EXOC6B: variants seen among roughly 807,000 people sequenced by gnomAD.
EXOC6B encodes SEC15 homolog B.
Under a neutral mutation model 113.5 loss-of-function variants are expected in EXOC6B, and 54 were observed. That is an observed-to-expected ratio of 0.48 (90% confidence interval 0.38 to 0.60). The LOEUF (loss-of-function observed/expected upper bound fraction) is 0.60, where lower values mean the gene tolerates loss of function less well. Among genes scored for constraint, EXOC6B ranks in the 20% least tolerant of loss-of-function variants. The pLI, the probability that EXOC6B is intolerant of heterozygous loss-of-function variation, is 0.00. For synonymous variants in EXOC6B, 357 were observed against 339.0 expected, an observed-to-expected ratio of 1.05 and a Z score of -0.58; for missense variants, 797 against 977.5, an observed-to-expected ratio of 0.82 and a Z score of 2.46.
At chr2:72,213,614 G>T (rs1414327924) in intron 20 of EXOC6B, among the ~76,000 whole-genome samples, 1 of 152,152 alleles carries the variant, frequency 6.6e-6, no homozygotes, top group Non-Finnish European at 1.5e-5. Flanking sequence ...AGCCTTCAAG[G>T]TGTGCTATGA....
intron 20 of EXOC6B, among the ~76,000 whole-genome samples, chr2:72,229,816 G>A (rs1056657876): frequency 3.3e-5 from 5 of 152,240 alleles, no homozygotes; most frequent in South Asian, 2.1e-4. Flanking sequence ...TGGATACCAC[G>A]TGCTACCTAA....
chr2:72,668,331 C>G (rs1286350738), intron 6 of EXOC6B, among the ~76,000 whole-genome samples: 2 of 152,038 alleles, frequency 1.3e-5, no homozygotes, highest in Non-Finnish European at 2.9e-5. Flanking sequence ...GTAAATTAGT[C>G]TAGCCACTGT....
At chr2:72,244,362 A>G (rs976762944) in intron 20 of EXOC6B, among the ~76,000 whole-genome samples, 31 of 152,220 alleles carry the variant, frequency 2.0e-4, no homozygotes, top group African/African-American at 7.0e-4. Context: ...CTAAATAAAA[A>G]TGAAAATACA....
intron 6 of EXOC6B, among the ~76,000 whole-genome samples, chr2:72,705,242 T>C (rs1034242463): frequency 1.3e-5 from 2 of 152,096 alleles, no homozygotes; most frequent in Non-Finnish European, 2.9e-5. Context: ...ATTATCTCAA[T>C]AGATGCAGAA....
At chr2:72,184,379 A>T (rs957956156) in intron 20 of EXOC6B, among the ~76,000 whole-genome samples, 192 bp from the exon 21 acceptor site, 11 of 152,352 alleles carry the variant, frequency 7.2e-5, no homozygotes, top group Admixed American at 7.2e-4. Context: ...TAGATGGCAG[A>T]CTTATCTCTG....
At chr2:72,192,108 C>A (rs1056406781) in intron 20 of EXOC6B, among the ~76,000 whole-genome samples, 4 of 152,086 alleles carry the variant, frequency 2.6e-5, no homozygotes, top group African/African-American at 9.7e-5. Flanking sequence ...ACCTTCGTTG[C>A]CAATTCTTGG....
Position 72,243,871 on chromosome 2 carries a change from T to C in EXOC6B, c.2197-59684A>G, listed in dbSNP as rs1163308525. On this transcript the variant is annotated intron_variant, in intron 20 of 21. Transcript: ENST00000272427. ...GGGACATAACAGTCTTTAGCATGTA[T>C]CCACCTAAGAACAGAATGTAAAAAG... Among the ~76,000 whole-genome samples the C allele has an allele frequency of 1.3e-5, 2 of 152,190 alleles. 1 individual carries two copies. The highest frequency in any genetic ancestry group is 3.8e-4 in the East Asian group (2 of 5,198).
chr2:72,539,954 C>G (rs1425731090), intron 8 of EXOC6B, among the ~76,000 whole-genome samples: 5 of 118,384 alleles, frequency 4.2e-5, no homozygotes, highest in Admixed American at 1.9e-4. Context: ...CCCCTCCCCC[C>G]ACCCCACAAC....
intron 6 of EXOC6B, among the ~76,000 whole-genome samples, chr2:72,702,078 C>T (rs1355202414): frequency 6.6e-6 from 1 of 151,028 alleles, no homozygotes; most frequent in East Asian, 1.9e-4. Flanking sequence ...CCCCTCCCAC[C>T]ACCCCACAAC....
At chr2:72,460,454 C>T (rs1697553042) in intron 18 of EXOC6B, among the ~76,000 whole-genome samples, 1 of 151,800 alleles carries the variant, frequency 6.6e-6, no homozygotes, top group African/African-American at 2.4e-5. Context: ...TCGCAACCTA[C>T]TCATCTGACA....
intron 20 of EXOC6B, among the ~76,000 whole-genome samples, chr2:72,264,935 T>C (rs1352749858): frequency 6.6e-6 from 1 of 152,082 alleles, no homozygotes; most frequent in Non-Finnish European, 1.5e-5. Flanking sequence ...TATGTCCTTA[T>C]AGCAGCATGA....
At position 72,461,618 on chromosome 2, in the gene EXOC6B, G is replaced by A. The variant is rs143140888; in HGVS notation, c.1980+3542C>T. ...GATTTTTAATTTATACCTACTCCTC[G>A]CTATACAAAATACATTGTATTAAAT... On this transcript the variant is annotated intron_variant, in intron 18 of 21. Coordinates refer to ENST00000272427, the MANE Select transcript of EXOC6B (RefSeq NM_015189.3). 7.7e-4 allele frequency: 116 copies of A among 151,588 alleles called. 1 individual carries two copies. The highest frequency in any genetic ancestry group is 2.4e-3 in the African/African-American group (100 of 41,362). The allele number at this position is 151,588 out of a possible 1,614,324, so 9.4% of individuals were successfully genotyped here. A position where few individuals can be genotyped will look rare whatever the true frequency, so the allele number is the denominator to read the frequency against.
chr2:72,733,159 T>C (rs1573709016), intron 2 of EXOC6B, 41 bp from the exon 3 acceptor site: 1 of 1,389,142 alleles, frequency 7.2e-7, no homozygotes, highest in East Asian at 2.4e-5. Flanking sequence ...AAAACAAACA[T>C]TTAGACAATA....
chr2:72,493,656 G>C (rs2105553032), intron 15 of EXOC6B, among the ~76,000 whole-genome samples: 1 of 152,100 alleles, frequency 6.6e-6, no homozygotes, highest in African/African-American at 2.4e-5. Flanking sequence ...AGATGAGTAT[G>C]AATGCTAGAA....
At chr2:72,558,865 T>C (rs938210073) in intron 8 of EXOC6B, among the ~76,000 whole-genome samples, 4 of 152,068 alleles carry the variant, frequency 2.6e-5, no homozygotes, top group African/African-American at 4.8e-5. Context: ...CAACCTGATA[T>C]AAGCATCACT....
At chr2:72,661,985 A>G (rs945677131) in intron 6 of EXOC6B, among the ~76,000 whole-genome samples, 1 of 151,014 alleles carries the variant, frequency 6.6e-6, no homozygotes, top group Admixed American at 6.6e-5. Context: ...TATTAATTAT[A>G]TGGTGTTGGA....
Position 72,317,375 on chromosome 2 carries a change from C to G in EXOC6B, c.2196+17572G>C, listed in dbSNP as rs141639340. ...TAAACATCTCTATGCCCTATCATTT[C>G]ATCAAGCAGGCAATGAAAAAAGATA... On this transcript the variant is annotated intron_variant, in intron 20 of 21. Coordinates refer to ENST00000272427, the MANE Select transcript of EXOC6B (RefSeq NM_015189.3). 1.5e-3 allele frequency among the ~76,000 whole-genome samples: 230 copies of G among 152,150 alleles called. 1 individual carries two copies. The highest frequency in any genetic ancestry group is 5.3e-3 in the African/African-American group (222 of 41,512).
At chr2:72,705,416 C>CA (rs1346929936) in intron 6 of EXOC6B, among the ~76,000 whole-genome samples, 1 of 152,140 alleles carries the variant, frequency 6.6e-6, no homozygotes, top group Non-Finnish European at 1.5e-5. Flanking sequence ...AAAACTGGCA[C>CA]AAGACAGGGA....
At chr2:72,610,083 G>A (rs1670986218) in intron 6 of EXOC6B, among the ~76,000 whole-genome samples, 1 of 152,002 alleles carries the variant, frequency 6.6e-6, no homozygotes, top group African/African-American at 2.4e-5. Context: ...TGCTGGCAGA[G>A]GTCTATAATA....
Sources: gnomAD v4.1 joint callset for allele counts (sites outside exome capture counted in the v4.1 genomes callset) on GRCh38, gnomAD v4.1.1 for gene constraint, MANE v1.5 for transcripts, NCBI Gene and HGNC (gene_info 2026-07-23, HGNC 2026-07-21) for gene names.